The following GALNT14 variants were observed in gnomAD, a reference collection of about 807,000 sequenced individuals.
The protein encoded by GALNT14 is polypeptide N-acetylgalactosaminyltransferase 14.
A neutral mutation model predicts 77.5 loss-of-function variants in GALNT14; 60 were observed. The ratio of observed to expected loss-of-function variants is 0.77; its 90% confidence interval spans 0.63 to 0.96. The LOEUF (loss-of-function observed/expected upper bound fraction) is 0.96, where lower values mean the gene tolerates loss of function less well. Ranked by LOEUF, GALNT14 falls within the 40% of genes least tolerant of loss-of-function variation. The probability of loss-of-function intolerance (pLI) is 0.00; values close to 1 mark genes in which losing one functional copy is unlikely to be tolerated. For synonymous variants in GALNT14, 280 were observed against 281.7 expected (o/e 0.99, Z 0.06); for missense variants, 710 against 731.0 (o/e 0.97, Z 0.33).
rs541207790 is a variant in GALNT14, at chr2:30,942,277, G to A, written c.855C>T (p.Phe285=). Residue 285 remains phenylalanine, a synonymous_variant, in exon 9 of 15, where the codon TTC becomes TTT. Coordinates refer to ENST00000349752, the MANE Select transcript of GALNT14 (RefSeq NM_024572.4). ...AATCAAACCAAGCTTTGTCGATCACGAAGAGCCCTCCAGCTATGATAGGAG... is the reference window on the plus strand; with the variant it reads ...AATCAAACCAAGCTTTGTCGATCACAAAGAGCCCTCCAGCTATGATAGGAG... ...IRTPIIAGGL[F]VIDKAWFDYL... is the part of the protein sequence containing the mutation. The A allele has an allele frequency of 7.6e-5, 123 of 1,614,024 alleles. 1 individual carries two copies. In the South Asian group the frequency reaches 1.2e-3, roughly 15 times the overall value.
In GALNT14 at chr2:31,079,094, A is replaced by T. The variant is rs926653823; in HGVS notation, c.129+58864T>A. On this transcript the variant is annotated intron_variant, in intron 1 of 14. Transcript: ENST00000349752. ...AGAAAACATAAATACATGAAAATGC[A>T]TATGATGATATTTGGCATAGGTGAC... 4 of 1,223,872 alleles carry T rather than the reference A, an allele frequency of 3.3e-6. No individual in the cohort carries two copies. In the South Asian group the frequency reaches 4.3e-5, roughly 13 times the overall value. 75.8% of individuals were successfully genotyped at this position (1,223,872 alleles called of 1,614,324 possible).
chr2:30,936,785 G>T (rs532638480), intron 9 of GALNT14, among the ~76,000 whole-genome samples: 6 of 152,266 alleles, frequency 3.9e-5, no homozygotes, highest in Admixed American at 3.3e-4. Flanking sequence ...GGACAATCAA[G>T]TCTCCATCCA....
intron 1 of GALNT14, among the ~76,000 whole-genome samples, chr2:31,075,646 T>C (rs578107215): frequency 6.6e-6 from 1 of 152,352 alleles, no homozygotes; most frequent in Non-Finnish European, 1.5e-5. Context: ...TAGGGACCAC[T>C]GCTCCTCCGT....
At chr2:31,135,410 C>T (rs754700714) in intron 1 of GALNT14, among the ~76,000 whole-genome samples, 14 of 152,044 alleles carry the variant, frequency 9.2e-5, no homozygotes, top group Non-Finnish European at 1.5e-4. Context: ...ACTGTTCTGG[C>T]GTTACCTAAG....
chr2:31,129,110 A>G (rs1678849119), intron 1 of GALNT14, among the ~76,000 whole-genome samples: 1 of 152,218 alleles, frequency 6.6e-6, no homozygotes, highest in Non-Finnish European at 1.5e-5. Flanking sequence ...TGGCAAAGGA[A>G]TCTCACCTGA....
At chr2:30,913,366 T>A (rs1341725379) in intron 13 of GALNT14, among the ~76,000 whole-genome samples, 1 of 152,054 alleles carries the variant, frequency 6.6e-6, no homozygotes, top group Non-Finnish European at 1.5e-5. Context: ...CTGGACCAGG[T>A]TACTCATTGG....
chr2:31,007,090 G>T (rs1279696187), intron 1 of GALNT14, among the ~76,000 whole-genome samples: 1 of 152,184 alleles, frequency 6.6e-6, no homozygotes, highest in Non-Finnish European at 1.5e-5. Flanking sequence ...GGGGGCTGCT[G>T]GCTGGCTTTT....
chr2:30,997,248 C>A (rs564253111), intron 1 of GALNT14, among the ~76,000 whole-genome samples: 135 of 152,310 alleles, frequency 8.9e-4, no homozygotes, highest in African/African-American at 3.1e-3. Context: ...CTCTTCCATT[C>A]ATGAGTCCCC....
intron 1 of GALNT14, among the ~76,000 whole-genome samples, chr2:31,129,881 G>C (rs1389198752): frequency 6.6e-6 from 1 of 152,206 alleles, no homozygotes; most frequent in African/African-American, 2.4e-5. Flanking sequence ...AGCTCGTCAA[G>C]AGAGAGTGGC....
rs10638502 is a variant in GALNT14 at position 31,057,293 on chromosome 2, T to TTATATATA, written c.130-64294_130-64287dup. Among the ~76,000 whole-genome samples, 634 of 128,950 alleles carry TTATATATA rather than the reference T, an allele frequency of 4.9e-3. 3 individuals are homozygous for TTATATATA. The highest frequency in any genetic ancestry group is 0.019 in the South Asian group (74 of 3,824). 84.6% of individuals were successfully genotyped at this position (128,950 alleles called of 152,430 possible). On this transcript the variant is annotated intron_variant, in intron 1 of 14. Coordinates refer to ENST00000349752, the MANE Select transcript of GALNT14 (RefSeq NM_024572.4). ...GCCCTATGAATCTAAAAAGTTGAAATTATATATATATATATATATATATAA... is the reference window on the plus strand; with the variant it reads ...GCCCTATGAATCTAAAAAGTTGAAATTATATATATATATATATATATATATATATATAA...
At chr2:31,000,137 A>G (rs981809285) in intron 1 of GALNT14, among the ~76,000 whole-genome samples, 1 of 151,834 alleles carries the variant, frequency 6.6e-6, no homozygotes, top group South Asian at 2.1e-4. Context: ...AGCCTATCTC[A>G]CCCAAGCGGC....
intron 1 of GALNT14, among the ~76,000 whole-genome samples, chr2:31,017,432 C>A (rs1174150151): frequency 3.9e-5 from 6 of 152,110 alleles, no homozygotes; most frequent in Non-Finnish European, 8.8e-5. Flanking sequence ...AACAGAGTAC[C>A]CATTTTTATA....
chr2:31,044,315 T>C (rs988310787), intron 1 of GALNT14, among the ~76,000 whole-genome samples: 4 of 152,198 alleles, frequency 2.6e-5, no homozygotes, highest in Non-Finnish European at 5.9e-5. Context: ...ATAAACACAC[T>C]GGATAGAGCT....
At chr2:30,945,681 C>T (rs1011371420) in intron 7 of GALNT14, 102 bp downstream of exon 7, 23 of 944,184 alleles carry the variant, frequency 2.4e-5, no homozygotes, top group African/African-American at 9.7e-5. Context: ...TGAGCTTTCT[C>T]GACAAGCAAC....
At chr2:30,903,389 T>C in the GALNT14 span, among the ~76,000 whole-genome samples, 9 of 152,242 alleles carry the variant, frequency 5.9e-5, no homozygotes, top group African/African-American at 1.9e-4. Flanking sequence ...AAATAAAATA[T>C]GCCAAAAGCA....
chr2:31,018,834 C>T lies in GALNT14; in HGVS notation c.130-25827G>A, dbSNP rs192316601. ...CGGCCCTCATGACCTTTCATTGTGG[C>T]CTGCAGGCTCAGCAGCTGTGTGGTG... On this transcript the variant is annotated intron_variant, in intron 1 of 14. Transcript: ENST00000349752. 2.1e-3 allele frequency among the ~76,000 whole-genome samples: 325 copies of T among 152,214 alleles called. 1 individual carries two copies. Among genetic ancestry groups the T allele is most frequent in the Non-Finnish European group, 2.3e-3 (158 of 68,010 alleles).
At chr2:30,989,901 C>G (rs1558471654) in intron 2 of GALNT14, among the ~76,000 whole-genome samples, 1 of 151,844 alleles carries the variant, frequency 6.6e-6, no homozygotes, top group Admixed American at 6.6e-5. Flanking sequence ...GGATCAGTAT[C>G]CTTAGCCCCT....
At chr2:31,110,914 G>T (rs1310476256) in intron 1 of GALNT14, among the ~76,000 whole-genome samples, 2 of 152,136 alleles carry the variant, frequency 1.3e-5, no homozygotes, top group Non-Finnish European at 2.9e-5. Flanking sequence ...GAGAAAAATG[G>T]TGGGAACTTG....
intron 1 of GALNT14, among the ~76,000 whole-genome samples, chr2:31,027,099 A>G (rs1013102209): frequency 1.3e-5 from 2 of 152,228 alleles, no homozygotes; most frequent in Non-Finnish European, 2.9e-5. Context: ...TCCAGGTATG[A>G]TGAGAAACTA....
Sources: gnomAD v4.1 joint callset for allele counts (sites outside exome capture counted in the v4.1 genomes callset) on GRCh38, gnomAD v4.1.1 for gene constraint, MANE v1.5 for transcripts, NCBI Gene and HGNC (gene_info 2026-07-23, HGNC 2026-07-21) for gene names.